The following CARHSP1 variants were observed in gnomAD, a reference collection of about 807,000 sequenced individuals.
The protein encoded by CARHSP1 is calcium regulated heat stable protein 1.
In CARHSP1, 14 loss-of-function variants were observed where a neutral mutation model predicts 12.5. That is an observed-to-expected ratio of 1.12 (90% confidence interval 0.74 to 1.75). The LOEUF is 1.75. Among genes scored for constraint, CARHSP1 ranks in the 40% most tolerant of loss-of-function variants. The pLI is 0.00. For missense variants in CARHSP1, 343 were observed against 201.6 expected (o/e 1.70, Z -4.25); for synonymous variants, 161 against 82.0 (o/e 1.96, Z -5.20).
chr16:8,860,756 G>T (rs754820817), intron 1 of CARHSP1, among the ~76,000 whole-genome samples: 1 of 152,034 alleles, frequency 6.6e-6, no homozygotes, highest in Non-Finnish European at 1.5e-5. Flanking sequence ...TTCAAATTTA[G>T]ATTTGAAGCA....
chr16:8,857,163 C>G (rs1218515558), intron 3 of CARHSP1, among the ~76,000 whole-genome samples: 1 of 151,894 alleles, frequency 6.6e-6, no homozygotes, highest in African/African-American at 2.4e-5. Context: ...CACACACATG[C>G]ACCATGCACA....
At chr16:8,862,807 C>A (rs928309360) in intron 1 of CARHSP1, among the ~76,000 whole-genome samples, 1 of 152,086 alleles carries the variant, frequency 6.6e-6, no homozygotes, top group Non-Finnish European at 1.5e-5. Context: ...GGAATCATGC[C>A]GCGTCATCAT....
intron 3 of CARHSP1, among the ~76,000 whole-genome samples, chr16:8,857,280 T>G (rs1286299996): frequency 0.094 from 11,190 of 119,008 alleles, 1,352 homozygotes; most frequent in Admixed American, 0.24. Flanking sequence ...TTTTTTTTTT[T>G]TTTTTTTTTT....
chr16:8,860,793 G>A (rs971602033), intron 1 of CARHSP1, among the ~76,000 whole-genome samples: 1 of 152,044 alleles, frequency 6.6e-6, no homozygotes, highest in East Asian at 1.9e-4. Context: ...GCTCACACCT[G>A]TAATCCCAGC....
intron 1 of CARHSP1, chr16:8,860,175 C>G (rs1235321069): frequency 7.1e-6 from 7 of 985,450 alleles, no homozygotes; most frequent in Non-Finnish European, 8.4e-6. Flanking sequence ...CGTTTGGATC[C>G]CTGAGCAGCT....
At chr16:8,856,799 C>G (rs894480732) in intron 3 of CARHSP1, among the ~76,000 whole-genome samples, 45 of 152,044 alleles carry the variant, frequency 3.0e-4, no homozygotes, top group African/African-American at 1.0e-3. Context: ...GGGTGCAGAT[C>G]GAGGGTCCTC....
intron 2 of CARHSP1, 158 bp downstream of exon 2, chr16:8,859,013 C>T (rs372561344): frequency 1.3e-5 from 8 of 610,830 alleles, no homozygotes; most frequent in East Asian, 2.9e-5. Context: ...TTACAAGGCG[C>T]CTTCCTAGTT....
intron 2 of CARHSP1, 160 bp from the exon 3 acceptor site, chr16:8,858,632 C>G (rs139583919): frequency 1.5e-5 from 13 of 868,136 alleles, no homozygotes; most frequent in South Asian, 1.9e-5. Flanking sequence ...CCCTGGGAGC[C>G]GCTCACAAAG....
chr16:8,857,555 G>C (rs1448369778), intron 3 of CARHSP1: 1 of 142,500 alleles, frequency 7.0e-6, no homozygotes, highest in African/African-American at 2.6e-5. Context: ...GCCTCCCAAA[G>C]TGCTGGGACT....
At chr16:8,858,096 A>C in intron 3 of CARHSP1, 1 of 516,414 alleles carries the variant, frequency 1.9e-6, no homozygotes, top group Non-Finnish European at 3.5e-6. Flanking sequence ...TCACAAAGAC[A>C]CACCCAGGGA....
intron 1 of CARHSP1, chr16:8,866,365 G>T (rs1008828362): frequency 3.5e-6 from 3 of 868,422 alleles, no homozygotes; most frequent in Non-Finnish European, 4.1e-6. Context: ...AGTGCAGGAG[G>T]TGGAAGGGAA....
At chr16:8,859,669 A>G in intron 1 of CARHSP1, 1 of 189,626 alleles carries the variant, frequency 5.3e-6, no homozygotes, top group Non-Finnish European at 1.1e-5. Flanking sequence ...GGGAAGGAGG[A>G]AGGTGAGCAG....
intron 1 of CARHSP1, among the ~76,000 whole-genome samples, chr16:8,865,497 A>C (rs1285211960): frequency 2.0e-5 from 3 of 152,128 alleles, no homozygotes; most frequent in East Asian, 3.9e-4. Context: ...CAGACACCTC[A>C]CTCTTGGCAA....
chr16:8,853,099 C>G lies in CARHSP1; in HGVS notation c.*2065G>C, dbSNP rs536053601. ...TTTCCCCTTGTGTAAACCGGTATCG[C>G]GTCCCTTCCAGCTCTGACATCCTGC... is the stretch of plus-strand genomic sequence containing the variant. On this transcript the variant is annotated 3_prime_UTR_variant, in exon 4 of 4. Coordinates refer to ENST00000311052, the MANE Select transcript of CARHSP1 (RefSeq NM_014316.4). 6.6e-6 allele frequency: 1 copy of G among 152,122 alleles called. No homozygotes were observed. The highest frequency in any genetic ancestry group is 1.5e-5 in the Non-Finnish European group (1 of 68,040). 9.4% of individuals were successfully genotyped at this position (152,122 alleles called of 1,614,324 possible).
Position 8,855,154 on chromosome 16 carries a change from C to T in CARHSP1, c.*10G>A. The T allele has an allele frequency of 6.4e-7, 1 of 1,569,018 alleles. No individual in the cohort carries two copies. The stretch of plus-strand genomic sequence containing the variant: ...CACAAGCACAGGACAAGGGGTGCTT[C>T]CACCATCTCCTAGGAGCTGATGACA... On this transcript the variant is annotated 3_prime_UTR_variant, in exon 4 of 4. Coordinates refer to ENST00000311052, the MANE Select transcript of CARHSP1 (RefSeq NM_014316.4).
chr16:8,853,299 G>C lies in CARHSP1; in HGVS notation c.*1865C>G, dbSNP rs901338306. 1.3e-5 allele frequency: 2 copies of C among 151,522 alleles called. No individual in the cohort carries two copies. The highest frequency in any genetic ancestry group is 4.9e-5 in the African/African-American group (2 of 41,066). 9.4% of individuals were successfully genotyped at this position (151,522 alleles called of 1,614,324 possible). The stretch of plus-strand genomic sequence containing the variant: ...GAAGTGTGGACTGTACCAGCAGATG[G>C]GCCCTTGGGAAGCCAACAGGGAACA... On this transcript the variant is annotated 3_prime_UTR_variant, in exon 4 of 4. Coordinates refer to ENST00000311052, the MANE Select transcript of CARHSP1 (RefSeq NM_014316.4).
rs182741443 is a variant in CARHSP1 at position 8,863,033 on chromosome 16, C to T, written c.-7-3698G>A. Among the ~76,000 whole-genome samples the T allele has an allele frequency of 2.1e-4, 32 of 151,370 alleles. 1 individual carries two copies. In the East Asian group the frequency reaches 6.2e-3, roughly 29 times the overall value. On this transcript the variant is annotated intron_variant, in intron 1 of 3. Coordinates refer to ENST00000311052, the MANE Select transcript of CARHSP1 (RefSeq NM_014316.4). ...GGAGTCTGAGGGCAGCACAGGGCCC[C>T]TCTGTGTCCCAAGGGCCCAGCACAG... is the stretch of plus-strand genomic sequence containing the variant.
intron 1 of CARHSP1, chr16:8,866,315 G>T: frequency 2.1e-6 from 1 of 470,300 alleles, no homozygotes; most frequent in Non-Finnish European, 2.8e-6. Flanking sequence ...CACGGCAGTA[G>T]CCGGGCTACA....
At position 8,858,379 on chromosome 16, in the gene CARHSP1, G is replaced by A. The variant is rs201170923; in HGVS notation, c.252C>T (p.Gly84=). ...KGHGFITPAD[G]GPDIFLHISD... is the part of the protein sequence containing the mutation. ...AGATGTGCAGGAAGATGTCGGGGCC[G>A]CCATCAGCTGGAGTAATGAAGCCAT... Residue 84 remains glycine, a synonymous_variant, in exon 3 of 4, where the codon GGC becomes GGT. Transcript: ENST00000311052. 53 of 1,613,898 alleles carry A rather than the reference G, an allele frequency of 3.3e-5. No homozygotes were observed. The highest frequency in any genetic ancestry group is 1.1e-4 in the East Asian group (5 of 44,892).
Sources: gnomAD v4.1 joint callset for allele counts (sites outside exome capture counted in the v4.1 genomes callset) on GRCh38, gnomAD v4.1.1 for gene constraint, MANE v1.5 for transcripts, NCBI Gene and HGNC (gene_info 2026-07-23, HGNC 2026-07-21) for gene names.